The following WWOX variants were observed in gnomAD, a reference collection of about 807,000 sequenced individuals.
The protein encoded by WWOX is WW domain containing oxidoreductase.
Under a neutral mutation model 46.2 loss-of-function variants are expected in WWOX, and 69 were observed. That is an observed-to-expected ratio of 1.49 (90% confidence interval 1.23 to 1.82). The LOEUF (loss-of-function observed/expected upper bound fraction) is 1.82. Among genes scored for constraint, WWOX ranks in the 40% most tolerant of loss-of-function variants. The pLI, the probability that WWOX is intolerant of heterozygous loss-of-function variation, is 0.00. For synonymous variants in WWOX, 359 were observed against 202.6 expected, an observed-to-expected ratio of 1.77 and a Z score of -6.56; for missense variants, 919 against 542.6, an observed-to-expected ratio of 1.69 and a Z score of -6.89.
At chr16:79,043,333 G>A (rs1056739693) in intron 8 of WWOX, among the ~76,000 whole-genome samples, 1 of 152,134 alleles carries the variant, frequency 6.6e-6, no homozygotes, top group Non-Finnish European at 1.5e-5. Flanking sequence ...TTAAAAAAAT[G>A]GTTTTTGATT....
intron 8 of WWOX, chr16:79,202,498 G>C (rs921739364): frequency 6.6e-6 from 1 of 152,226 alleles, no homozygotes; most frequent in Non-Finnish European, 1.5e-5. Flanking sequence ...AAAAGCCCAA[G>C]CCAAGTCCTT....
chr16:78,711,514 T>G (rs1185486993), intron 8 of WWOX, among the ~76,000 whole-genome samples: 2 of 152,188 alleles, frequency 1.3e-5, no homozygotes, highest in Non-Finnish European at 2.9e-5. Context: ...ACAGCTGTTC[T>G]AGAATAATAG....
At chr16:78,456,270 A>G (rs912672406) in intron 8 of WWOX, among the ~76,000 whole-genome samples, 53 of 152,328 alleles carry the variant, frequency 3.5e-4, no homozygotes, top group African/African-American at 1.2e-3. Flanking sequence ...GAGAGGCTGG[A>G]AGAGTTGACC....
At chr16:78,647,153 G>C (rs1373343054) in intron 8 of WWOX, among the ~76,000 whole-genome samples, 1 of 152,118 alleles carries the variant, frequency 6.6e-6, no homozygotes, top group Non-Finnish European at 1.5e-5. Context: ...GTCTAGCTGG[G>C]GACATCCTTG....
At chr16:78,155,125 A>G (rs538527877) in intron 4 of WWOX, among the ~76,000 whole-genome samples, 58 of 152,178 alleles carry the variant, frequency 3.8e-4, no homozygotes, top group South Asian at 1.5e-3. Context: ...GATCTCCCCA[A>G]TGTTTTAATG....
At chr16:78,481,373 T>C (rs546131855) in intron 8 of WWOX, among the ~76,000 whole-genome samples, 1 of 152,134 alleles carries the variant, frequency 6.6e-6, no homozygotes, top group Non-Finnish European at 1.5e-5. Context: ...CTCTGCCTAC[T>C]AGAAGGATAT....
intron 8 of WWOX, among the ~76,000 whole-genome samples, chr16:78,439,459 C>T (rs2083400664): frequency 6.6e-6 from 1 of 152,156 alleles, no homozygotes; most frequent in Non-Finnish European, 1.5e-5. Flanking sequence ...CCTGGATTAA[C>T]ATTACCATTG....
chr16:78,338,059 C>A (rs1011985651), intron 5 of WWOX, among the ~76,000 whole-genome samples: 4 of 120,854 alleles, frequency 3.3e-5, no homozygotes, highest in African/African-American at 1.1e-4. Context: ...TTTTATCAAA[C>A]ATGACAGATC....
intron 8 of WWOX, among the ~76,000 whole-genome samples, chr16:79,031,852 TTATA>T (rs58105315): frequency 9.1e-5 from 11 of 120,894 alleles, no homozygotes; most frequent in African/African-American, 2.6e-4. Context: ...TTATTATATA[TTATA>T]TATATAGATA....
chr16:79,006,582 C>G (rs1466596586), intron 8 of WWOX, among the ~76,000 whole-genome samples: 2 of 151,980 alleles, frequency 1.3e-5, no homozygotes, highest in African/African-American at 4.8e-5. Flanking sequence ...GCTGCTGTAA[C>G]CAATGATTAC....
At chr16:78,652,640 A>T (rs1415533464) in intron 8 of WWOX, among the ~76,000 whole-genome samples, 2 of 152,128 alleles carry the variant, frequency 1.3e-5, no homozygotes, top group Non-Finnish European at 2.9e-5. Context: ...CACAGCCAAG[A>T]TTCCTCGACC....
At chr16:78,642,633 A>T (rs2046747735) in intron 8 of WWOX, among the ~76,000 whole-genome samples, 1 of 151,954 alleles carries the variant, frequency 6.6e-6, no homozygotes, top group Non-Finnish European at 1.5e-5. Flanking sequence ...GCCAGCTGAG[A>T]TATGGATGAA....
intron 4 of WWOX, among the ~76,000 whole-genome samples, chr16:78,118,649 T>C (rs1440887204): frequency 6.6e-6 from 1 of 152,174 alleles, no homozygotes; most frequent in Non-Finnish European, 1.5e-5. Context: ...GCAGAGATCA[T>C]CTAGCTCGCA....
chr16:79,035,440 G>A (rs1258580886), intron 8 of WWOX, among the ~76,000 whole-genome samples: 1 of 151,698 alleles, frequency 6.6e-6, no homozygotes, highest in Non-Finnish European at 1.5e-5. Flanking sequence ...CTAATGGTTT[G>A]TGATTTACCC....
intron 8 of WWOX, among the ~76,000 whole-genome samples, chr16:79,084,537 C>G (rs2048819275): frequency 6.6e-6 from 1 of 152,048 alleles, no homozygotes; most frequent in South Asian, 2.1e-4. Context: ...TCTCCTGCCT[C>G]CTGAGTAGCT....
chr16:78,644,207 C>T (rs1033811210), intron 8 of WWOX, among the ~76,000 whole-genome samples: 5 of 151,594 alleles, frequency 3.3e-5, no homozygotes, highest in South Asian at 2.1e-4. Context: ...GGGCAACGAG[C>T]GAAACTCTGT....
At chr16:78,738,602 C>T (rs961534139) in intron 8 of WWOX, among the ~76,000 whole-genome samples, 1 of 151,998 alleles carries the variant, frequency 6.6e-6, no homozygotes, top group Non-Finnish European at 1.5e-5. Context: ...TTATCTAGTC[C>T]CTGAACAGCC....
At chr16:78,829,308 C>G (rs564305406) in intron 8 of WWOX, among the ~76,000 whole-genome samples, 2 of 152,214 alleles carry the variant, frequency 1.3e-5, no homozygotes, top group Non-Finnish European at 2.9e-5. Context: ...AGGCAGAAGA[C>G]AAGCATCCCA....
chr16:78,461,055 G>T (rs901478668), intron 8 of WWOX, among the ~76,000 whole-genome samples: 8 of 152,224 alleles, frequency 5.3e-5, no homozygotes, highest in African/African-American at 1.9e-4. Flanking sequence ...GGTTGTTGAA[G>T]TGTATGACTA....
Sources: gnomAD v4.1 joint callset for allele counts (sites outside exome capture counted in the v4.1 genomes callset) on GRCh38, gnomAD v4.1.1 for gene constraint, MANE v1.5 for transcripts, NCBI Gene and HGNC (gene_info 2026-07-23, HGNC 2026-07-21) for gene names.